CAMK1D: variants seen among roughly 807,000 people sequenced by gnomAD.
CAMK1D encodes the protein calcium/calmodulin dependent protein kinase ID.
In CAMK1D, 9 loss-of-function variants were observed where a neutral mutation model predicts 47.7. The observed-to-expected ratio is 0.19, with a 90% CI of 0.11 to 0.33. The LOEUF is 0.33. Among genes scored for constraint, CAMK1D ranks in the 10% least tolerant of loss-of-function variants. The pLI is 1.00. For missense variants in CAMK1D, 291 were observed against 488.7 expected (o/e 0.60, Z 3.81); for synonymous variants, 184 against 184.9 (o/e 0.99, Z 0.04).
chr10:12,687,282 A>G (rs549123939), intron 3 of CAMK1D, among the ~76,000 whole-genome samples: 4 of 152,196 alleles, frequency 2.6e-5, no homozygotes, highest in Non-Finnish European at 5.9e-5. Context: ...CAGAAAAAAA[A>G]AAAAATACAC....
chr10:12,583,465 C>T (rs61848329), intron 2 of CAMK1D, among the ~76,000 whole-genome samples: 7,776 of 152,180 alleles, frequency 0.051, 211 homozygotes, highest in Middle Eastern at 0.11. Flanking sequence ...TTTGATCAGA[C>T]GTTGTCTGTC....
At chr10:12,810,297 T>C (rs1241143695) in intron 6 of CAMK1D, among the ~76,000 whole-genome samples, 89 of 123,154 alleles carry the variant, frequency 7.2e-4, no homozygotes, top group African/African-American at 2.5e-3. Context: ...TTTTTTTTGA[T>C]GGAGTCTCGC....
chr10:12,449,438 TAA>T (rs960532554), intron 1 of CAMK1D, among the ~76,000 whole-genome samples: 1 of 141,812 alleles, frequency 7.1e-6, no homozygotes. Flanking sequence ...GCCAGCTGTT[TAA>T]AAAAAAAAAA....
At chr10:12,508,844 CCTT>C (rs1481139539) in intron 1 of CAMK1D, among the ~76,000 whole-genome samples, 9 of 152,116 alleles carry the variant, frequency 5.9e-5, no homozygotes, top group Non-Finnish European at 8.8e-5. Context: ...AATGCGGTGT[CCTT>C]CTTTCCCGGA....
chr10:12,773,533 G>A (rs1837137850), intron 5 of CAMK1D, among the ~76,000 whole-genome samples: 1 of 152,054 alleles, frequency 6.6e-6, no homozygotes, highest in Non-Finnish European at 1.5e-5. Context: ...AAATATTTTT[G>A]ATCTGTGGAT....
At chr10:12,781,649 CTTTTT>C (rs145484733) in intron 5 of CAMK1D, among the ~76,000 whole-genome samples, 62 of 137,138 alleles carry the variant, frequency 4.5e-4, no homozygotes, top group South Asian at 2.2e-3. Context: ...TTTGGCGATA[CTTTTT>C]TTTTTTTTTT....
At chr10:12,494,978 A>T (rs896859320) in intron 1 of CAMK1D, among the ~76,000 whole-genome samples, 21 of 152,220 alleles carry the variant, frequency 1.4e-4, no homozygotes, top group African/African-American at 5.1e-4. Flanking sequence ...ATTCTAAACG[A>T]GATCACTGCG....
chr10:12,709,699 G>T (rs144435742), intron 3 of CAMK1D, among the ~76,000 whole-genome samples: 1 of 152,164 alleles, frequency 6.6e-6, no homozygotes, highest in Non-Finnish European at 1.5e-5. Context: ...TTTCCTCTCT[G>T]TAGCAACATC....
At chr10:12,516,451 T>A (rs1195947753) in intron 1 of CAMK1D, among the ~76,000 whole-genome samples, 1 of 152,146 alleles carries the variant, frequency 6.6e-6, no homozygotes. Flanking sequence ...AGCATTTGCC[T>A]ATAGGTTTCT....
rs564933956 is a variant in CAMK1D, at chr10:12,822,501, C to T, written c.834-1964C>T. On this transcript the variant is annotated intron_variant, in intron 8 of 10. Transcript: ENST00000619168. ...AGAGTATAGGCAGCAGGCCACGGGC[C>T]GTGGGGTCTGAGACCACACTGCGGA... Among the ~76,000 whole-genome samples the T allele has an allele frequency of 2.1e-4, 32 of 152,344 alleles. No homozygotes were observed. The South Asian group carries it at 6.2e-3, about 30-fold the overall frequency.
chr10:12,805,111 T>C (rs1337562229), intron 6 of CAMK1D, among the ~76,000 whole-genome samples: 1 of 151,236 alleles, frequency 6.6e-6, no homozygotes, highest in Non-Finnish European at 1.5e-5. Context: ...ATACAAAAAT[T>C]AGCTTGGTGT....
At chr10:12,368,139 C>G (rs1203755750) in intron 1 of CAMK1D, among the ~76,000 whole-genome samples, 1 of 151,268 alleles carries the variant, frequency 6.6e-6, no homozygotes, top group Non-Finnish European at 1.5e-5. Context: ...TTGCAGTGAG[C>G]CGAGATTGCG....
intron 1 of CAMK1D, among the ~76,000 whole-genome samples, chr10:12,439,142 C>T (rs919852827): frequency 4.6e-5 from 7 of 152,176 alleles, no homozygotes; most frequent in African/African-American, 7.2e-5. Flanking sequence ...AGTTCCATTG[C>T]GCAGGCTGTC....
At chr10:12,417,049 C>T (rs903138884) in intron 1 of CAMK1D, among the ~76,000 whole-genome samples, 1 of 152,108 alleles carries the variant, frequency 6.6e-6, no homozygotes, top group Non-Finnish European at 1.5e-5. Context: ...TTCCTCAAGC[C>T]CCCGAAGCCT....
chr10:12,615,788 T>G (rs1838779482), intron 2 of CAMK1D, among the ~76,000 whole-genome samples: 1 of 151,170 alleles, frequency 6.6e-6, no homozygotes, highest in Non-Finnish European at 1.5e-5. Flanking sequence ...ATGTGTGTAG[T>G]GTGTAGGTAT....
chr10:12,810,168 A>AAAAAAAAAAAG (rs1303867506), intron 6 of CAMK1D, among the ~76,000 whole-genome samples: 1 of 148,584 alleles, frequency 6.7e-6, no homozygotes, highest in African/African-American at 2.5e-5. Flanking sequence ...AAAAAAAAAA[A>AAAAAAAAAAAG]GGCGTTAGGA....
chr10:12,653,970 A>G (rs914995249), intron 2 of CAMK1D, among the ~76,000 whole-genome samples: 3 of 152,204 alleles, frequency 2.0e-5, no homozygotes, highest in African/African-American at 7.2e-5. Flanking sequence ...GGACCCTTCC[A>G]TGTGGGTATC....
chr10:12,788,376 C>A (rs372913439), intron 5 of CAMK1D, among the ~76,000 whole-genome samples: 46 of 152,266 alleles, frequency 3.0e-4, no homozygotes, highest in African/African-American at 1.1e-3. Context: ...TGTGGAGTGG[C>A]CAGGCCTGGC....
At chr10:12,531,630 G>T (rs1441929720) in intron 1 of CAMK1D, among the ~76,000 whole-genome samples, 1 of 152,240 alleles carries the variant, frequency 6.6e-6, no homozygotes, top group Non-Finnish European at 1.5e-5. Context: ...CACAGAAAGA[G>T]CGTGGGATGG....
Sources: allele counts gnomAD v4.1 joint callset (sites outside exome capture counted in the v4.1 genomes callset), GRCh38; gene constraint gnomAD v4.1.1; transcripts MANE v1.5; gene names NCBI Gene and HGNC (gene_info 2026-07-23, HGNC 2026-07-21).